RIMS3: variants seen among roughly 807,000 people sequenced by gnomAD.
RIMS3 encodes the protein regulating synaptic membrane exocytosis 3, also known as regulating synaptic membrane exocytosis protein 3.
A neutral mutation model predicts 29.2 loss-of-function variants in RIMS3; 15 were observed. The ratio of observed to expected loss-of-function variants is 0.51; its 90% confidence interval spans 0.34 to 0.79. The LOEUF (loss-of-function observed/expected upper bound fraction) is 0.79. RIMS3 is among the 30% of genes least tolerant of loss of function. The probability of loss-of-function intolerance (pLI) is 0.01; values close to 1 mark genes in which losing one functional copy is unlikely to be tolerated. For missense variants in RIMS3, 342 were observed against 421.4 expected (o/e 0.81, Z 1.65); for synonymous variants, 161 against 170.1 (o/e 0.95, Z 0.41).
chr1:40,626,561 A>G lies in RIMS3; in HGVS notation c.883T>C (p.Ser295Pro). 6.2e-7 allele frequency: 1 copy of G among 1,613,338 alleles called. No homozygotes were observed. Among genetic ancestry groups the G allele is most frequent in the Non-Finnish European group, 8.5e-7 (1 of 1,179,666 alleles). The change falls in exon 8 of 8, where the codon TCC becomes CCC. Residue 295 changes from serine (S) to proline (P), a missense_variant. Transcript: ENST00000372684. ...STLGSLTRRL[S>P]QSSLESATSP... ...GTGGCACTCTCCAGGGAAGACTGGG[A>G]CAGGCGCCTGGTGAGGGATCCGAGT... is the stretch of plus-strand genomic sequence containing the variant.
intron 2 of RIMS3, among the ~76,000 whole-genome samples, chr1:40,643,478 C>CTTTT (rs34292781): frequency 1.5e-5 from 2 of 133,596 alleles, no homozygotes; most frequent in East Asian, 2.1e-4. Context: ...ATCTTTCTCT[C>CTTTT]TTTTTTTTTT....
At chr1:40,691,478 G>C in the RIMS3 span, 2 of 299,956 alleles carry the variant, frequency 6.7e-6, no homozygotes, top group East Asian at 1.4e-4. Flanking sequence ...GGGTGGTGGA[G>C]GTCACTGGGC....
At chr1:40,649,921 G>A (rs1000152269) in intron 1 of RIMS3, among the ~76,000 whole-genome samples, 3 of 152,198 alleles carry the variant, frequency 2.0e-5, no homozygotes, top group African/African-American at 7.2e-5. Context: ...ATACTGTGTA[G>A]GAAGGCAATA....
chr1:40,633,149 T>G lies in RIMS3; in HGVS notation c.392A>C (p.Glu131Ala), dbSNP rs543695427. The part of the protein sequence containing the change: ...FIFPTTRLGA[E>A]SQFSDFLDGL... Reference sequence around the variant, plus strand: ...ATCCAGGAAATCGCTGAACTGGCTTTCAGCCCCTAGCCGGGTAGTGGGGAA... The same window carrying G: ...ATCCAGGAAATCGCTGAACTGGCTTGCAGCCCCTAGCCGGGTAGTGGGGAA... Residue 131 changes from glutamate to alanine, a missense_variant, in exon 5 of 8, where the codon GAA becomes GCA. By Grantham distance (107) the Glu-to-Ala change is moderately radical (BLOSUM62 -1). Transcript: ENST00000372684. 1.9e-5 allele frequency: 30 copies of G among 1,614,050 alleles called. No individual in the cohort carries two copies. Among genetic ancestry groups the G allele is most frequent in the Non-Finnish European group, 2.5e-5 (30 of 1,179,988 alleles).
rs1456430837 is a variant in RIMS3, at chr1:40,635,911, C to T, written c.359+5G>A. ...GAGGGGACCACAGCACGGGGCTGCA[C>T]GCACGTGCCGTCGGAGCTGTTGCTG... On this transcript the variant is annotated splice_donor_5th_base_variant and intron_variant, in intron 4 of 7. Transcript: ENST00000372684. This position sits in a 1 kb window ranked among gnomAD's most constrained non-coding sequence, Gnocchi z 4.1. The T allele has an allele frequency of 3.1e-6, 5 of 1,612,336 alleles. No homozygotes were observed. Among genetic ancestry groups the T allele is most frequent in the African/African-American group, 1.3e-5 (1 of 74,920 alleles).
the RIMS3 span, among the ~76,000 whole-genome samples, chr1:40,688,126 G>A: frequency 2.6e-5 from 4 of 152,030 alleles, no homozygotes; most frequent in South Asian, 2.1e-4. Flanking sequence ...CACCATGCCC[G>A]GCTAATTTTT....
intron 5 of RIMS3, among the ~76,000 whole-genome samples, chr1:40,631,179 G>A (rs558393502): frequency 1.6e-4 from 24 of 152,286 alleles, no homozygotes; most frequent in African/African-American, 5.8e-4. Context: ...AGGCACCTCT[G>A]GAGGAGCTAT....
rs1646438287 is a variant in RIMS3 at position 40,624,090 on chromosome 1, A to C, written c.*2427T>G. 2.0e-5 allele frequency: 3 copies of C among 151,994 alleles called. No homozygotes were observed. Among genetic ancestry groups the C allele is most frequent in the African/African-American group, 7.3e-5 (3 of 41,372 alleles). The allele number at this position is 151,994 out of a possible 1,614,324, so 9.4% of individuals were successfully genotyped here. A position where few individuals can be genotyped will look rare whatever the true frequency, so the allele number is the denominator to read the frequency against. On this transcript the variant is annotated 3_prime_UTR_variant, in exon 8 of 8. Coordinates refer to ENST00000372684, the MANE Select transcript of RIMS3 (RefSeq NM_014747.3). The stretch of plus-strand genomic sequence containing the variant: ...TCCAGCTAGAACCTCCCCTGTGCTA[A>C]CCCTTCCCCAGAGGCAAGGGTCACC...
the RIMS3 span, among the ~76,000 whole-genome samples, chr1:40,680,657 A>G: frequency 6.6e-6 from 1 of 152,186 alleles, no homozygotes; most frequent in Admixed American, 6.5e-5. Flanking sequence ...CACTGTAGCC[A>G]GTACACATGT....
the RIMS3 span, among the ~76,000 whole-genome samples, chr1:40,673,735 C>T: frequency 6.6e-6 from 1 of 152,222 alleles, no homozygotes; most frequent in Non-Finnish European, 1.5e-5. Flanking sequence ...GTCCTTCTAC[C>T]TAGGCCAAGA....
intron 1 of RIMS3, among the ~76,000 whole-genome samples, chr1:40,659,033 A>G (rs1262934226): frequency 2.0e-5 from 3 of 152,222 alleles, no homozygotes; most frequent in Non-Finnish European, 2.9e-5. Context: ...TAAGAGATGT[A>G]GACTTTGCAC....
the RIMS3 span, among the ~76,000 whole-genome samples, chr1:40,685,856 A>G: frequency 6.6e-6 from 1 of 152,144 alleles, no homozygotes; most frequent in Non-Finnish European, 1.5e-5. Flanking sequence ...AAAAAAAAAA[A>G]AAGTAGGCTG....
chr1:40,626,409 G>T lies in RIMS3; in HGVS notation c.*108C>A. On this transcript the variant is annotated 3_prime_UTR_variant, in exon 8 of 8. Coordinates refer to ENST00000372684, the MANE Select transcript of RIMS3 (RefSeq NM_014747.3). ...GATGAGCCCAGTAGCCAACAGGCATGCAGCAGGACAAGGGGTCCAGAAAGA... is the reference window on the plus strand; with the variant it reads ...GATGAGCCCAGTAGCCAACAGGCATTCAGCAGGACAAGGGGTCCAGAAAGA... 1 of 1,037,972 alleles carries T rather than the reference G, an allele frequency of 9.6e-7. No homozygotes were observed. The highest frequency in any genetic ancestry group is 2.6e-5 in the East Asian group (1 of 38,654). The allele number at this position is 1,037,972 out of a possible 1,614,324, so 64.3% of individuals were successfully genotyped here.
chr1:40,648,387 AAGGC>A (rs1423638722), intron 1 of RIMS3, among the ~76,000 whole-genome samples: 2 of 152,224 alleles, frequency 1.3e-5, no homozygotes, highest in Non-Finnish European at 2.9e-5. Context: ...GAGGAGCAGA[AAGGC>A]AGAGTGAATG....
At chr1:40,649,541 C>T (rs1427328780) in intron 1 of RIMS3, among the ~76,000 whole-genome samples, 2 of 152,216 alleles carry the variant, frequency 1.3e-5, no homozygotes, top group African/African-American at 4.8e-5. Flanking sequence ...AAGGCACACA[C>T]CCCACCTCTG....
intron 1 of RIMS3, among the ~76,000 whole-genome samples, chr1:40,649,141 G>A (rs1646614078): frequency 1.3e-5 from 2 of 152,146 alleles, no homozygotes; most frequent in African/African-American, 2.4e-5. Context: ...TCCTAGTTGT[G>A]CAGACCTTTG....
chr1:40,646,694 C>T (rs1483439206), intron 2 of RIMS3, among the ~76,000 whole-genome samples: 1 of 152,090 alleles, frequency 6.6e-6, no homozygotes, highest in Non-Finnish European at 1.5e-5. Context: ...AGAGACCTGC[C>T]CAGCTCCCCA....
chr1:40,644,402 T>G (rs1646580834), intron 2 of RIMS3, among the ~76,000 whole-genome samples: 1 of 152,208 alleles, frequency 6.6e-6, no homozygotes, highest in Admixed American at 6.5e-5. Flanking sequence ...AACAAATATT[T>G]AAGCCCCTAA....
chr1:40,642,778 A>AGGCGGAGGTAGC (rs1646566962), intron 2 of RIMS3, among the ~76,000 whole-genome samples: 1 of 104,666 alleles, frequency 9.6e-6, no homozygotes, highest in African/African-American at 3.5e-5. Flanking sequence ...CAACATGGTG[A>AGGCGGAGGTAGC]AACCCCATCT....
Sources: gnomAD v4.1 joint callset for allele counts (sites outside exome capture counted in the v4.1 genomes callset) on GRCh38, gnomAD v4.1.1 for gene constraint, Gnocchi (gnomAD v3.1) non-coding constraint, MANE v1.5 for transcripts, NCBI Gene and HGNC (gene_info 2026-07-23, HGNC 2026-07-21) for gene names.